The following PDE1A variants were observed in gnomAD, a reference collection of about 807,000 sequenced individuals.
PDE1A encodes the protein phosphodiesterase 1A, also known as dual specificity calcium/calmodulin-dependent 3',5'-cyclic nucleotide phosphodiesterase 1A.
In PDE1A, 35 loss-of-function variants were observed where a neutral mutation model predicts 61.7. The ratio of observed to expected loss-of-function variants is 0.57; its 90% CI spans 0.43 to 0.75. The LOEUF is 0.75. PDE1A is among the 30% of genes least tolerant of loss of function. PDE1A has a pLI of 0.00. For synonymous variants in PDE1A, 232 were observed against 213.2 expected, an observed-to-expected ratio of 1.09 and a Z score of -0.77; for missense variants, 597 against 630.6, an observed-to-expected ratio of 0.95 and a Z score of 0.57.
intron 1 of PDE1A, among the ~76,000 whole-genome samples, chr2:182,330,493 C>G (rs1223949266): frequency 6.6e-6 from 1 of 152,092 alleles, no homozygotes; most frequent in Non-Finnish European, 1.5e-5. Context: ...CTCATTATTT[C>G]TCTGATCCTT....
chr2:182,615,741 G>A, the PDE1A span, among the ~76,000 whole-genome samples: 1 of 152,146 alleles, frequency 6.6e-6, no homozygotes, highest in African/African-American at 2.4e-5. Flanking sequence ...CATGGTGGAA[G>A]GTAGAAGGGC....
intron 7 of PDE1A, among the ~76,000 whole-genome samples, chr2:182,217,813 T>C (rs1255046396): frequency 5.9e-5 from 9 of 151,346 alleles, no homozygotes; most frequent in South Asian, 4.2e-4. Flanking sequence ...ACTTTTACAC[T>C]GTTGGTGGGA....
chr2:182,200,583 C>T (rs1040039886), intron 10 of PDE1A, among the ~76,000 whole-genome samples: 4 of 152,138 alleles, frequency 2.6e-5, no homozygotes, highest in African/African-American at 9.7e-5. Context: ...CCTTATGGGC[C>T]TTTTCATTTG....
At chr2:182,710,835 G>A in the PDE1A span, among the ~76,000 whole-genome samples, 4 of 151,898 alleles carry the variant, frequency 2.6e-5, no homozygotes, top group Non-Finnish European at 5.9e-5. Flanking sequence ...CATTTTTCTC[G>A]AATCTGTTTA....
Position 182,494,705 on chromosome 2 carries a change from A to C in PDE1A, c.101+27571T>G, listed in dbSNP as rs189352054. Among the ~76,000 whole-genome samples the C allele has an allele frequency of 1.3e-4, 19 of 151,986 alleles. No individual in the cohort carries two copies. In the East Asian group the frequency reaches 3.7e-3, roughly 29 times the overall value. On this transcript the variant is annotated intron_variant, in intron 2 of 14. Coordinates refer to the PDE1A transcript ENST00000410103. ...GAATTCCATTTTTTTTTTCAAAGCG[A>C]AGAATCTGAAAAGCCTTACCCTCCC...
chr2:182,678,687 T>A, the PDE1A span, among the ~76,000 whole-genome samples: 1 of 152,048 alleles, frequency 6.6e-6, no homozygotes, highest in Non-Finnish European at 1.5e-5. Context: ...TAATGGAAAC[T>A]AGGATGTTGT....
chr2:182,243,376 G>A (rs1690706312), intron 2 of PDE1A, among the ~76,000 whole-genome samples: 1 of 152,146 alleles, frequency 6.6e-6, no homozygotes, highest in African/African-American at 2.4e-5. Context: ...GGAAGTATTA[G>A]TTATAGGAAA....
chr2:182,627,773 T>A, the PDE1A span, among the ~76,000 whole-genome samples: 1 of 151,588 alleles, frequency 6.6e-6, no homozygotes, highest in African/African-American at 2.4e-5. Flanking sequence ...TGAGACCCCA[T>A]CTCTACTAAA....
intron 1 of PDE1A, among the ~76,000 whole-genome samples, chr2:182,394,193 A>C (rs1274709315): frequency 3.3e-5 from 5 of 152,184 alleles, no homozygotes; most frequent in Non-Finnish European, 5.9e-5. Flanking sequence ...ATTTATAAAG[A>C]AAAAGAGGTT....
chr2:182,561,644 G>A, the PDE1A span, among the ~76,000 whole-genome samples: 1 of 152,100 alleles, frequency 6.6e-6, no homozygotes, highest in Admixed American at 6.5e-5. Flanking sequence ...AATTACCTTG[G>A]GCAGTATGGC....
the PDE1A span, among the ~76,000 whole-genome samples, chr2:182,619,412 G>A: frequency 2.0e-5 from 3 of 152,048 alleles, no homozygotes; most frequent in East Asian, 1.9e-4. Context: ...ACAAGCAGAG[G>A]GCTGTGCAGC....
At chr2:182,164,598 C>A (rs532862906), downstream of PDE1A, among the ~76,000 whole-genome samples, 1 of 152,204 alleles carries the variant, frequency 6.6e-6, no homozygotes, top group Admixed American at 6.5e-5. Context: ...GCCCAGTGAA[C>A]TCATGAACAA....
chr2:182,568,614 G>C, the PDE1A span, among the ~76,000 whole-genome samples: 1 of 151,732 alleles, frequency 6.6e-6, no homozygotes, highest in Admixed American at 6.6e-5. Flanking sequence ...GCAGTGAGCC[G>C]AGATCACACC....
intron 2 of PDE1A, among the ~76,000 whole-genome samples, chr2:182,494,214 T>A (rs1358140291): frequency 6.6e-6 from 1 of 152,016 alleles, no homozygotes; most frequent in African/African-American, 2.4e-5. Context: ...CCTTTTATCA[T>A]CTACATATCC....
At chr2:182,462,149 C>G (rs1181263682) in intron 2 of PDE1A, among the ~76,000 whole-genome samples, 2 of 150,566 alleles carry the variant, frequency 1.3e-5, no homozygotes, top group Non-Finnish European at 3.0e-5. Flanking sequence ...ACACCGGGGC[C>G]TGTTGTGGGG....
At chr2:182,251,636 C>G (rs1691411145) in intron 2 of PDE1A, among the ~76,000 whole-genome samples, 1 of 152,152 alleles carries the variant, frequency 6.6e-6, no homozygotes, top group Non-Finnish European at 1.5e-5. Flanking sequence ...CTCCTTCATT[C>G]ACAGCTTGCC....
At chr2:182,659,255 T>C in the PDE1A span, among the ~76,000 whole-genome samples, 1 of 152,172 alleles carries the variant, frequency 6.6e-6, no homozygotes, top group Non-Finnish European at 1.5e-5. Context: ...GACAATGAAA[T>C]GTTGTTAAGG....
chr2:182,199,677 G>A (rs1228260744), intron 10 of PDE1A, among the ~76,000 whole-genome samples: 1 of 152,018 alleles, frequency 6.6e-6, no homozygotes, highest in Non-Finnish European at 1.5e-5. Context: ...ATAATAAGCA[G>A]TTGACCTTTA....
At chr2:182,307,990 A>G (rs1317259472) in intron 1 of PDE1A, among the ~76,000 whole-genome samples, 1 of 152,184 alleles carries the variant, frequency 6.6e-6, no homozygotes, top group African/African-American at 2.4e-5. Context: ...AACTATATAG[A>G]GCTTCCTCAA....
Sources: allele counts gnomAD v4.1 joint callset (sites outside exome capture counted in the v4.1 genomes callset), GRCh38; gene constraint gnomAD v4.1.1; transcripts MANE v1.5; gene names NCBI Gene and HGNC (gene_info 2026-07-23, HGNC 2026-07-21).